Variants in RBP2 observed in about 807,000 individuals in gnomAD.
RBP2 encodes the protein retinol-binding protein 2.
A neutral mutation model predicts 17.0 loss-of-function variants in RBP2; 17 were observed. The observed-to-expected ratio is 1.00, with a 90% confidence interval of 0.68 to 1.50. The LOEUF (loss-of-function observed/expected upper bound fraction) is 1.50. Among genes scored for constraint, RBP2 ranks in the 40% most tolerant of loss-of-function variants. RBP2 has a pLI of 0.00. For synonymous variants in RBP2, 48 were observed against 57.1 expected, an observed-to-expected ratio of 0.84 and a Z score of 0.72; for missense variants, 158 against 168.2, an observed-to-expected ratio of 0.94 and a Z score of 0.33.
chr3:139,461,926 C>G (rs1272617050), intron 2 of RBP2, among the ~76,000 whole-genome samples, 186 bp downstream of exon 2: 1 of 152,252 alleles, frequency 6.6e-6, no homozygotes, highest in Non-Finnish European at 1.5e-5. Context: ...CTTAATCTCT[C>G]CTAGGCCTGC....
At position 139,452,934 on chromosome 3, in the gene RBP2, G is replaced by A. The variant is rs1943337892; in HGVS notation, c.*182C>T. 3.2e-6 allele frequency: 2 copies of A among 617,628 alleles called. No individual in the cohort carries two copies. The highest frequency in any genetic ancestry group is 5.8e-5 in the Admixed American group (2 of 34,698). 38.3% of individuals were successfully genotyped at this position (617,628 alleles called of 1,614,324 possible). A position where few individuals can be genotyped will look rare whatever the true frequency, so the allele number is the denominator to read the frequency against. On this transcript the variant is annotated 3_prime_UTR_variant, in exon 4 of 4. Coordinates refer to ENST00000232217, the MANE Select transcript of RBP2 (RefSeq NM_004164.3). Reference sequence around the variant, plus strand: ...ATTTTTGTTTTTCCATTTAATGCTAGGTTTCAAAGGAGGGGAATATGTCTA... The same window carrying A: ...ATTTTTGTTTTTCCATTTAATGCTAAGTTTCAAAGGAGGGGAATATGTCTA...
rs532705497 is a variant in RBP2 at position 139,462,053 on chromosome 3, C to T, written c.252+59G>A. 44 of 1,549,002 alleles carry T rather than the reference C, an allele frequency of 2.8e-5. No individual in the cohort carries two copies. In the South Asian group the frequency reaches 4.7e-4, roughly 17 times the overall value. ...AATATTTTTTTTTTCATCATGATACCAAATAGCCAGCCCCTGGCACAGAAT... is the reference window on the plus strand; with the variant it reads ...AATATTTTTTTTTTCATCATGATACTAAATAGCCAGCCCCTGGCACAGAAT... On this transcript the variant is annotated intron_variant, in intron 2 of 3. Transcript: ENST00000232217.
chr3:139,465,466 GAGA>G (rs1415342111), intron 1 of RBP2, among the ~76,000 whole-genome samples: 2 of 152,150 alleles, frequency 1.3e-5, no homozygotes, highest in Non-Finnish European at 2.9e-5. Context: ...AACTGCCTCA[GAGA>G]AGTTGTGTCA....
rs1943364062 is a variant in RBP2, at chr3:139,454,625, G to C, written c.354+104C>G. ...CCACATGCATTTGGCTGGAGCTCGG[G>C]GTAGGAGTGCAGGGCCATTTTTCTT... On this transcript the variant is annotated intron_variant, in intron 3 of 3. Coordinates refer to ENST00000232217, the MANE Select transcript of RBP2 (RefSeq NM_004164.3). The C allele has an allele frequency of 3.8e-6, 4 of 1,044,226 alleles. No individual in the cohort carries two copies. The South Asian group carries it at 5.4e-5, about 14-fold the overall frequency. 64.7% of individuals were successfully genotyped at this position (1,044,226 alleles called of 1,614,324 possible).
At position 139,453,101 on chromosome 3, in the gene RBP2, C is replaced by A; in HGVS notation, c.*15G>T. The A allele has an allele frequency of 3.1e-6, 5 of 1,614,116 alleles. No individual in the cohort carries two copies. Among genetic ancestry groups the A allele is most frequent in the Non-Finnish European group, 4.2e-6 (5 of 1,180,006 alleles). ...CAGTGGGGAGCTTGTGCTTGGCAGG[C>A]CTCCCACGTCGCCATCATTTCTTTT... On this transcript the variant is annotated 3_prime_UTR_variant, in exon 4 of 4. Coordinates refer to ENST00000232217, the MANE Select transcript of RBP2 (RefSeq NM_004164.3).
intron 1 of RBP2, 107 bp downstream of exon 1, chr3:139,476,280 G>T: frequency 1.2e-6 from 1 of 835,656 alleles, no homozygotes. Context: ...CATGAGGCAT[G>T]AGGATTTGCC....
intron 1 of RBP2, among the ~76,000 whole-genome samples, chr3:139,465,247 C>T (rs562609445): frequency 8.5e-5 from 13 of 152,182 alleles, no homozygotes; most frequent in South Asian, 2.1e-4. Context: ...GGTGAATCTG[C>T]GAGCCATGCT....
intron 1 of RBP2, among the ~76,000 whole-genome samples, chr3:139,472,977 C>G (rs1168417793): frequency 6.6e-6 from 1 of 152,238 alleles, no homozygotes; most frequent in South Asian, 2.1e-4. Flanking sequence ...GAACTCTCTC[C>G]CAGTATTCTT....
intron 2 of RBP2, among the ~76,000 whole-genome samples, chr3:139,461,168 A>G (rs139179930): frequency 1.5e-3 from 228 of 152,282 alleles, no homozygotes; most frequent in Non-Finnish European, 2.1e-3. Flanking sequence ...CTGGGTTGGG[A>G]TACCACACGG....
intron 3 of RBP2, among the ~76,000 whole-genome samples, chr3:139,454,355 C>T (rs1019902331): frequency 1.3e-5 from 2 of 152,118 alleles, no homozygotes; most frequent in South Asian, 2.1e-4. Flanking sequence ...ACCCCACTCT[C>T]TCTCCCAGGC....
At position 139,474,237 on chromosome 3, in the gene RBP2, G is replaced by A. The variant is rs536636032; in HGVS notation, c.73+2150C>T. 2.0e-5 allele frequency among the ~76,000 whole-genome samples: 3 copies of A among 152,316 alleles called. No individual in the cohort carries two copies. In the East Asian group the frequency reaches 5.8e-4, roughly 29 times the overall value. ...TGTGAGCCCCTTACTCACATTAAAG[G>A]TGTAAGTTGATGTGAAAAGAGTCCA... is the stretch of plus-strand genomic sequence containing the variant. On this transcript the variant is annotated intron_variant, in intron 1 of 3. Transcript: ENST00000232217.
intron 1 of RBP2, among the ~76,000 whole-genome samples, chr3:139,469,687 G>GTCTGTCTGTCTA (rs1432677359): frequency 0.034 from 4,491 of 132,846 alleles, 100 homozygotes; most frequent in Non-Finnish European, 0.05. Flanking sequence ...CTGTCTGTCT[G>GTCTGTCTGTCTA]TCTATCTATC....
intron 1 of RBP2, among the ~76,000 whole-genome samples, chr3:139,470,979 AC>A (rs1933546369): frequency 6.6e-6 from 1 of 151,064 alleles, no homozygotes; most frequent in East Asian, 1.9e-4. Context: ...TTCCACTGTC[AC>A]CCCCTCAAAC....
chr3:139,468,678 A>G (rs1051176686), intron 1 of RBP2, among the ~76,000 whole-genome samples: 3 of 152,134 alleles, frequency 2.0e-5, no homozygotes, highest in Admixed American at 1.3e-4. Flanking sequence ...ACACATGCAC[A>G]CACACACACA....
rs1933743512 is a variant in RBP2, at chr3:139,476,514, C to T, written c.-55G>A. The T allele has an allele frequency of 3.3e-6, 5 of 1,505,006 alleles. 1 individual carries two copies. The Admixed American group carries it at 6.7e-5, about 20-fold the overall frequency. 93.2% of individuals were successfully genotyped at this position (1,505,006 alleles called of 1,614,324 possible). On this transcript the variant is annotated 5_prime_UTR_variant, in exon 1 of 4. Coordinates refer to ENST00000232217, the MANE Select transcript of RBP2 (RefSeq NM_004164.3). Reference sequence around the variant, plus strand: ...GTGGTGGATGGCAAGGAGCAGGCTGCAGGGAGAATACACTGGAATGAGCTT... The same window carrying T: ...GTGGTGGATGGCAAGGAGCAGGCTGTAGGGAGAATACACTGGAATGAGCTT...
intron 2 of RBP2, 92 bp from the exon 3 acceptor site, chr3:139,454,922 A>G (rs1576418729): frequency 7.7e-7 from 1 of 1,290,890 alleles, no homozygotes; most frequent in East Asian, 2.3e-5. Context: ...CAGCCATTTC[A>G]GGGTCTTGCT....
Position 139,459,505 on chromosome 3 carries a change from C to T in RBP2, c.252+2607G>A, listed in dbSNP as rs952066138. On this transcript the variant is annotated intron_variant, in intron 2 of 3. Coordinates refer to ENST00000232217, the MANE Select transcript of RBP2 (RefSeq NM_004164.3). ...AGGCATGGTGGCGCACGCCTGTAAT[C>T]CCAGCTACTTGGGAGGCTGAGGCAG... Among the ~76,000 whole-genome samples the T allele has an allele frequency of 2.7e-5, 4 of 149,698 alleles. No homozygotes were observed. The South Asian group carries it at 8.5e-4, about 32-fold the overall frequency.
intron 2 of RBP2, among the ~76,000 whole-genome samples, chr3:139,460,558 G>A (rs1028554974): frequency 2.6e-5 from 4 of 152,162 alleles, no homozygotes; most frequent in African/African-American, 9.7e-5. Context: ...CCCCACCCCA[G>A]GAGAGGAGTC....
At position 139,453,378 on chromosome 3, in the gene RBP2, A is replaced by G. The variant is rs139328233; in HGVS notation, c.355-212T>C. Among the ~76,000 whole-genome samples, 237 of 152,354 alleles carry G rather than the reference A, an allele frequency of 1.6e-3. 2 individuals carry two copies. The highest frequency in any genetic ancestry group is 7.3e-3 in the Admixed American group (112 of 15,308). On this transcript the variant is annotated intron_variant, in intron 3 of 3. Transcript: ENST00000232217. ...ACTTGAATTGAGCTTGAACAACTAT[A>G]AAAATGAAAAATGCAAAGAAATGAC... is the stretch of plus-strand genomic sequence containing the variant.
Sources: allele counts gnomAD v4.1 joint callset (sites outside exome capture counted in the v4.1 genomes callset), GRCh38; gene constraint gnomAD v4.1.1; transcripts MANE v1.5; gene names NCBI Gene and HGNC (gene_info 2026-07-23, HGNC 2026-07-21).